The following CAMTA2 variants were observed in gnomAD, a reference collection of about 807,000 sequenced individuals.
CAMTA2 encodes the protein calmodulin-binding transcription activator 2.
A neutral mutation model predicts 135.7 loss-of-function variants in CAMTA2; 56 were observed. The ratio of observed to expected loss-of-function variants is 0.41; its 90% CI spans 0.33 to 0.52. The LOEUF is 0.52. Among genes scored for constraint, CAMTA2 ranks in the 20% least tolerant of loss-of-function variants. The pLI, the probability that CAMTA2 is intolerant of heterozygous loss-of-function variation, is 0.16. For synonymous variants in CAMTA2, 591 were observed against 604.6 expected, an observed-to-expected ratio of 0.98 and a Z score of 0.33; for missense variants, 1,358 against 1,553.4, an observed-to-expected ratio of 0.87 and a Z score of 2.11.
rs1567681544 is a variant in CAMTA2, at chr17:4,969,481, C to CA, written c.3282+18dup. ...ACTGAATCATCACAGACCTCACACTCAGAGCTCATGCCTAATACCTTAAGT... is the reference window on the plus strand; with the variant it reads ...ACTGAATCATCACAGACCTCACACTCAAGAGCTCATGCCTAATACCTTAAGT... On this transcript the variant is annotated intron_variant, in intron 20 of 22. Transcript: ENST00000348066. The surrounding 1 kb of genome is among the most constrained non-coding windows in gnomAD (Gnocchi z 5.6). The CA allele has an allele frequency of 1.2e-6, 2 of 1,613,966 alleles. No homozygotes were observed. Among genetic ancestry groups the CA allele is most frequent in the Admixed American group, 3.3e-5 (2 of 60,024 alleles).
intron 1 of CAMTA2, 155 bp downstream of exon 1, chr17:4,987,437 GC>G: frequency 7.2e-7 from 1 of 1,383,036 alleles, no homozygotes; most frequent in Non-Finnish European, 9.3e-7. Context: ...GGTGAGCGGC[GC>G]CCCCTGGCGC....
chr17:4,977,516 G>T (rs1484236670), intron 10 of CAMTA2, among the ~76,000 whole-genome samples: 1 of 152,244 alleles, frequency 6.6e-6, no homozygotes, highest in Non-Finnish European at 1.5e-5. Flanking sequence ...CTTGATCCCC[G>T]GATCAGAGTC....
At position 4,987,584 on chromosome 17, in the gene CAMTA2, G is replaced by A; in HGVS notation, c.-65+9C>T. ...GGCGGAGAGGCGGGCGAGAGGCCCT[G>A]GCTCTTACCTCCCGGGGTCCCGCGG... On this transcript the variant is annotated intron_variant, in intron 1 of 22. Transcript: ENST00000348066. 6.6e-7 allele frequency: 1 copy of A among 1,525,212 alleles called. No homozygotes were observed. Among genetic ancestry groups the A allele is most frequent in the East Asian group, 2.5e-5 (1 of 39,530 alleles). The allele number at this position is 1,525,212 out of a possible 1,614,324, so 94.5% of individuals were successfully genotyped here.
intron 11 of CAMTA2, among the ~76,000 whole-genome samples, chr17:4,976,341 A>C (rs1972616217): frequency 1.3e-5 from 2 of 152,100 alleles, no homozygotes; most frequent in Non-Finnish European, 1.5e-5. Flanking sequence ...CTTTTGTGTA[A>C]TTTCCAAATT....
At position 4,968,461 on chromosome 17, in the gene CAMTA2, G is replaced by A; in HGVS notation, c.*295C>T. ...CAGGAGGGGGCCGAGTCGGGTGCAG[G>A]CAGGAGGAGCTGGGGAGCAGGGGCA... is the stretch of plus-strand genomic sequence containing the variant. On this transcript the variant is annotated 3_prime_UTR_variant, in exon 23 of 23. Coordinates refer to ENST00000348066, the MANE Select transcript of CAMTA2 (RefSeq NM_015099.4). The A allele has an allele frequency of 1.8e-6, 1 of 541,888 alleles. No homozygotes were observed. The highest frequency in any genetic ancestry group is 3.3e-6 in the Non-Finnish European group (1 of 302,174). 33.6% of individuals were successfully genotyped at this position (541,888 alleles called of 1,614,324 possible). A position where few individuals can be genotyped will look rare whatever the true frequency, so the allele number is the denominator to read the frequency against.
Position 4,968,823 on chromosome 17 carries a change from CAGAG to C in CAMTA2, c.3546-8_3546-5del, listed in dbSNP as rs1972073905. ...GTTCTGCTTCAGTTCCCTCATCCTGCAGAGAGAAAGATAGGAGTCAGAGGAGACT... is the reference window on the plus strand; with the variant it reads ...GTTCTGCTTCAGTTCCCTCATCCTGCAGAAAGATAGGAGTCAGAGGAGACT... On this transcript the variant is annotated splice_polypyrimidine_tract_variant and splice_region_variant and intron_variant, in intron 22 of 22. Transcript: ENST00000348066. 1 of 1,613,952 alleles carries C rather than the reference CAGAG, an allele frequency of 6.2e-7. No homozygotes were observed.
At chr17:4,973,894 A>G (rs1972456948) in intron 12 of CAMTA2, 125 bp from the exon 13 acceptor site, 2 of 748,416 alleles carry the variant, frequency 2.7e-6, no homozygotes, top group East Asian at 5.5e-5. Context: ...GTCCCACTCT[A>G]GGATCCCATC....
chr17:4,983,443 C>T (rs1003845199), intron 3 of CAMTA2, among the ~76,000 whole-genome samples: 4 of 151,706 alleles, frequency 2.6e-5, no homozygotes, highest in East Asian at 1.9e-4. Flanking sequence ...CCACCATGCC[C>T]GGGTAATTTT....
intron 2 of CAMTA2, 104 bp from the exon 3 acceptor site, chr17:4,986,087 G>C: frequency 9.0e-7 from 1 of 1,114,904 alleles, no homozygotes; most frequent in Non-Finnish European, 1.4e-6. Context: ...GGGGAAAACT[G>C]AAACCTCACT....
At chr17:4,971,410 G>A (rs927354485) in intron 16 of CAMTA2, among the ~76,000 whole-genome samples, 6 of 152,174 alleles carry the variant, frequency 3.9e-5, no homozygotes, top group Admixed American at 2.0e-4. Context: ...CAATGGCACA[G>A]TCAGCTCACT....
At chr17:4,981,173 A>G in intron 8 of CAMTA2, 52 bp downstream of exon 8, 2 of 1,597,708 alleles carry the variant, frequency 1.3e-6, no homozygotes, top group Non-Finnish European at 1.7e-6. Context: ...GGCTTGCGTA[A>G]GAGCAGTGTG....
chr17:4,976,910 T>G (rs1972649687), intron 11 of CAMTA2, 148 bp downstream of exon 11: 2 of 759,360 alleles, frequency 2.6e-6, no homozygotes, highest in Non-Finnish European at 2.1e-6. Flanking sequence ...CTGCCACATT[T>G]AGAAATCACT....
At chr17:4,977,876 C>T (rs1402073422) in intron 10 of CAMTA2, among the ~76,000 whole-genome samples, 1 of 152,218 alleles carries the variant, frequency 6.6e-6, no homozygotes, top group Non-Finnish European at 1.5e-5. Flanking sequence ...TAGACCAGTG[C>T]TGTCCAATAG....
At chr17:4,976,786 T>G (rs1210255759) in intron 11 of CAMTA2, among the ~76,000 whole-genome samples, 1 of 152,178 alleles carries the variant, frequency 6.6e-6, no homozygotes, top group African/African-American at 2.4e-5. Flanking sequence ...GTCCCTGCCC[T>G]GCCTCTTAGC....
Position 4,976,520 on chromosome 17 carries a change from C to T in CAMTA2, c.1900+538G>A, listed in dbSNP as rs535917379. Among the ~76,000 whole-genome samples, 7 of 151,918 alleles carry T rather than the reference C, an allele frequency of 4.6e-5. No individual in the cohort carries two copies. The South Asian group carries it at 8.3e-4, about 18-fold the overall frequency. On this transcript the variant is annotated intron_variant, in intron 11 of 22. Coordinates refer to ENST00000348066, the MANE Select transcript of CAMTA2 (RefSeq NM_015099.4). Reference sequence around the variant, plus strand: ...TTTGAGACCAGCCTGGCCAACATGGCGAAACCTCATCTCTACTAAAATCAC... The same window carrying T: ...TTTGAGACCAGCCTGGCCAACATGGTGAAACCTCATCTCTACTAAAATCAC...
Position 4,977,059 on chromosome 17 carries a change from G to A in CAMTA2, c.1899C>T (p.Asp633=), listed in dbSNP as rs746999578. 8.7e-6 allele frequency: 14 copies of A among 1,614,020 alleles called. No individual in the cohort carries two copies. In the African/African-American group the frequency reaches 9.3e-5, roughly 11 times the overall value. Residue 633 remains aspartate (D), a splice_region_variant and synonymous_variant, in exon 11 of 23, where the codon GAC becomes GAT. Transcript: ENST00000348066. The stretch of plus-strand genomic sequence containing the variant: ...GGGTTCAGAGGGCTGGGTACTCACC[G>A]TCCAGTGACAGCCAGTCAAGTTGAG... ...PSTQLDWLSL[D]DNQFRMSILE... is the part of the protein sequence containing the mutation.
At chr17:4,978,200 C>T (rs559806926) in intron 10 of CAMTA2, among the ~76,000 whole-genome samples, 2 of 152,308 alleles carry the variant, frequency 1.3e-5, no homozygotes, top group South Asian at 4.1e-4. Context: ...TTAGAAATCC[C>T]TTTGGTCAAT....
chr17:4,985,486 T>C (rs1043651419), intron 3 of CAMTA2, among the ~76,000 whole-genome samples: 1 of 152,164 alleles, frequency 6.6e-6, no homozygotes, highest in Non-Finnish European at 1.5e-5. Context: ...TGCAGTGGCG[T>C]GATCTCAGCT....
chr17:4,986,268 G>C lies in CAMTA2; in HGVS notation c.-46C>G. 1 of 1,477,554 alleles carries C rather than the reference G, an allele frequency of 6.8e-7. No homozygotes were observed. Among genetic ancestry groups the C allele is most frequent in the South Asian group, 1.2e-5 (1 of 86,112 alleles). 91.5% of individuals were successfully genotyped at this position (1,477,554 alleles called of 1,614,324 possible). ...AGGTCACCCCCGGCCTGAGGGGCCG[G>C]GGGGAGGGGGAGTCTGTGCTGGGAA... On this transcript the variant is annotated 5_prime_UTR_variant, in exon 2 of 23. Transcript: ENST00000348066.
Sources: gnomAD v4.1 joint callset for allele counts (sites outside exome capture counted in the v4.1 genomes callset) on GRCh38, gnomAD v4.1.1 for gene constraint, Gnocchi (gnomAD v3.1) non-coding constraint, MANE v1.5 for transcripts, NCBI Gene and HGNC (gene_info 2026-07-23, HGNC 2026-07-21) for gene names.